RARB: variants seen among roughly 807,000 people sequenced by gnomAD.
RARB encodes retinoic acid receptor beta.
A neutral mutation model predicts 51.9 loss-of-function variants in RARB; 17 were observed. The ratio of observed to expected loss-of-function variants is 0.33; its 90% CI spans 0.22 to 0.49. The LOEUF is 0.49. Among genes scored for constraint, RARB ranks in the 20% least tolerant of loss-of-function variants. The pLI is 0.99. For synonymous variants in RARB, 215 were observed against 195.4 expected (o/e 1.10, Z -0.84); for missense variants, 369 against 550.8 (o/e 0.67, Z 3.30).
intron 5 of RARB, among the ~76,000 whole-genome samples, chr3:25,370,932 C>T (rs1351700390): frequency 2.0e-5 from 3 of 152,132 alleles, no homozygotes; most frequent in Non-Finnish European, 2.9e-5. Flanking sequence ...GCACCTTAGC[C>T]CCTGGCTTGA....
chr3:25,096,532 A>G (rs1456319587), intron 3 of RARB, among the ~76,000 whole-genome samples: 1 of 152,196 alleles, frequency 6.6e-6, no homozygotes, highest in Non-Finnish European at 1.5e-5. Context: ...TTTTAGTTGT[A>G]TCATTTTGTG....
intron 2 of RARB, among the ~76,000 whole-genome samples, chr3:24,912,128 C>T (rs1477183421): frequency 6.6e-6 from 1 of 152,136 alleles, no homozygotes; most frequent in Non-Finnish European, 1.5e-5. Flanking sequence ...TTAAATATTC[C>T]TGCAGATAGC....
chr3:25,071,447 C>G (rs1698763812), intron 3 of RARB, among the ~76,000 whole-genome samples: 1 of 152,198 alleles, frequency 6.6e-6, no homozygotes, highest in African/African-American at 2.4e-5. Flanking sequence ...AACTAACACT[C>G]AATAATCCAA....
intron 4 of RARB, among the ~76,000 whole-genome samples, chr3:25,169,865 A>G (rs992068675): frequency 2.0e-5 from 3 of 152,072 alleles, no homozygotes; most frequent in East Asian, 3.9e-4. Flanking sequence ...ACACACACCT[A>G]TAGTTCCAGC....
At chr3:25,483,019 A>C (rs1290956795) in intron 2 of RARB, among the ~76,000 whole-genome samples, 1 of 152,190 alleles carries the variant, frequency 6.6e-6, no homozygotes, top group Admixed American at 6.5e-5. Context: ...AACACATCTC[A>C]GTTTGAATGA....
intron 2 of RARB, among the ~76,000 whole-genome samples, chr3:24,858,960 TGG>T (rs770900655): frequency 3.2e-4 from 42 of 133,068 alleles, no homozygotes; most frequent in Non-Finnish European, 2.6e-4. Context: ...TCGCTTGAAC[TGG>T]GGAGGTGGAG....
intron 3 of RARB, among the ~76,000 whole-genome samples, chr3:25,061,935 C>T: frequency 6.6e-6 from 1 of 151,538 alleles, no homozygotes; most frequent in East Asian, 1.9e-4. Flanking sequence ...AGAATGAAAT[C>T]AGTAGAACAG....
intron 5 of RARB, among the ~76,000 whole-genome samples, chr3:25,372,616 G>A (rs1413743075): frequency 2.0e-5 from 3 of 152,170 alleles, no homozygotes; most frequent in Non-Finnish European, 4.4e-5. Context: ...TAGCCCAGGA[G>A]TCTGAGACCA....
intron 5 of RARB, among the ~76,000 whole-genome samples, chr3:25,319,594 C>T (rs991422386): frequency 1.3e-5 from 2 of 152,164 alleles, no homozygotes; most frequent in African/African-American, 4.8e-5. Flanking sequence ...GGGTCTTTTC[C>T]TCACAGGCCT....
Position 25,034,731 on chromosome 3 carries a change from A to G in RARB, c.-379-25394A>G, listed in dbSNP as rs114032952. Among the ~76,000 whole-genome samples the G allele has an allele frequency of 9.7e-3, 1,478 of 152,296 alleles. 37 individuals are homozygous for G. The highest frequency in any genetic ancestry group is 0.034 in the African/African-American group (1,407 of 41,552). ...AGTAAAAAACACAAGCCTACATACA[A>G]TGTTTTGGCTCACAGAACGAATGAT... On this transcript the variant is annotated intron_variant, in intron 2 of 11. Coordinates refer to the RARB transcript ENST00000383772.
chr3:25,359,422 C>A (rs1475245137), intron 5 of RARB, among the ~76,000 whole-genome samples: 11 of 149,856 alleles, frequency 7.3e-5, no homozygotes, highest in East Asian at 5.8e-4. Context: ...TAAAAAAATA[C>A]CACCTCCTGG....
intron 3 of RARB, among the ~76,000 whole-genome samples, chr3:25,564,879 C>T (rs1383160940): frequency 2.0e-5 from 3 of 152,060 alleles, no homozygotes; most frequent in Non-Finnish European, 4.4e-5. Context: ...ACCAGTCAGT[C>T]GCAATCAGAG....
intron 3 of RARB, among the ~76,000 whole-genome samples, chr3:25,073,427 T>A (rs7615594): frequency 2.9e-3 from 440 of 152,380 alleles, no homozygotes; most frequent in African/African-American, 0.01. Context: ...ACATTAGTTC[T>A]GCAAGACAGT....
chr3:25,566,545 C>A (rs1700503909), intron 3 of RARB, among the ~76,000 whole-genome samples: 1 of 152,238 alleles, frequency 6.6e-6, no homozygotes, highest in African/African-American at 2.4e-5. Flanking sequence ...CACAACCCAA[C>A]AGAGATGCCC....
intron 2 of RARB, among the ~76,000 whole-genome samples, chr3:25,038,116 G>A (rs999082191): frequency 2.0e-4 from 31 of 152,094 alleles, no homozygotes; most frequent in Admixed American, 2.0e-4. Context: ...TACCCTAACA[G>A]CCAGTTAATC....
intron 2 of RARB, among the ~76,000 whole-genome samples, chr3:25,056,039 C>A (rs145251694): frequency 4.6e-4 from 70 of 152,244 alleles, no homozygotes; most frequent in Non-Finnish European, 8.7e-4. Context: ...GTAAAGAACT[C>A]CCTATTACCC....
chr3:24,891,028 A>C (rs1703367713), intron 2 of RARB, among the ~76,000 whole-genome samples: 1 of 152,222 alleles, frequency 6.6e-6, no homozygotes, highest in African/African-American at 2.4e-5. Flanking sequence ...AGTAGCACCA[A>C]GGATAACATA....
chr3:25,213,148 C>T (rs1284240949), intron 5 of RARB, among the ~76,000 whole-genome samples: 1 of 152,004 alleles, frequency 6.6e-6, no homozygotes, highest in Non-Finnish European at 1.5e-5. Context: ...TGAAAGAATT[C>T]ACTGGTGTAC....
At chr3:25,361,032 T>A (rs1705917046) in intron 5 of RARB, among the ~76,000 whole-genome samples, 1 of 152,236 alleles carries the variant, frequency 6.6e-6, no homozygotes, top group South Asian at 2.1e-4. Context: ...CCTACCTTGC[T>A]GGGTTGGGGA....
Sources: allele counts gnomAD v4.1 joint callset (sites outside exome capture counted in the v4.1 genomes callset), GRCh38; gene constraint gnomAD v4.1.1; transcripts MANE v1.5; gene names NCBI Gene and HGNC (gene_info 2026-07-23, HGNC 2026-07-21).